The following FBXO4 variants were observed in gnomAD, a reference collection of about 807,000 sequenced individuals.
FBXO4 encodes F-box only protein 4.
Under a neutral mutation model 43.7 loss-of-function variants are expected in FBXO4, and 36 were observed. That is an observed-to-expected ratio of 0.82 (90% confidence interval 0.63 to 1.09). The LOEUF is 1.09. Among genes scored for constraint, FBXO4 ranks in the 50% least tolerant of loss-of-function variants. FBXO4 has a pLI of 0.00. For synonymous variants in FBXO4, 180 were observed against 165.6 expected, an observed-to-expected ratio of 1.09 and a Z score of -0.67; for missense variants, 435 against 474.1, an observed-to-expected ratio of 0.92 and a Z score of 0.77.
chr5:42,006,751 G>T, the FBXO4 span, among the ~76,000 whole-genome samples: 2 of 151,304 alleles, frequency 1.3e-5, no homozygotes, highest in Non-Finnish European at 3.0e-5. Flanking sequence ...ATCAGTTTCA[G>T]AGTAATTAAT....
chr5:41,963,628 A>G, the FBXO4 span, among the ~76,000 whole-genome samples: 9 of 152,222 alleles, frequency 5.9e-5, no homozygotes, highest in Admixed American at 5.9e-4. Context: ...TGTTATCAAG[A>G]AAATCACAAG....
chr5:41,962,092 G>C, the FBXO4 span, among the ~76,000 whole-genome samples: 25 of 152,240 alleles, frequency 1.6e-4, no homozygotes, highest in Admixed American at 5.9e-4. Flanking sequence ...GTGGCTAGCT[G>C]TCTGTATTTG....
the FBXO4 span, among the ~76,000 whole-genome samples, chr5:42,010,330 T>C: frequency 7.9e-3 from 1,208 of 152,030 alleles, 8 homozygotes; most frequent in Middle Eastern, 0.027. Context: ...AAACCCCATC[T>C]CTACTAAAGC....
the FBXO4 span, among the ~76,000 whole-genome samples, chr5:41,973,244 G>T: frequency 6.6e-6 from 1 of 152,144 alleles, no homozygotes; most frequent in East Asian, 1.9e-4. Context: ...CAAACTCATT[G>T]AAAAATGGGC....
chr5:42,038,535 A>T, the FBXO4 span, among the ~76,000 whole-genome samples: 1 of 152,118 alleles, frequency 6.6e-6, no homozygotes, highest in African/African-American at 2.4e-5. Flanking sequence ...GTTGTCATAC[A>T]AGCATACAAT....
the FBXO4 span, among the ~76,000 whole-genome samples, chr5:41,993,816 A>C: frequency 6.6e-6 from 1 of 151,970 alleles, no homozygotes; most frequent in African/African-American, 2.4e-5. Flanking sequence ...CTAGCATGGG[A>C]GAAAGGTGTA....
the FBXO4 span, chr5:41,966,991 A>T: frequency 4.1e-6 from 1 of 242,728 alleles, no homozygotes; most frequent in African/African-American, 2.3e-5. Flanking sequence ...GCTATGTCAC[A>T]CACACCCATG....
chr5:42,028,812 T>A, the FBXO4 span, among the ~76,000 whole-genome samples: 2 of 150,870 alleles, frequency 1.3e-5, no homozygotes, highest in Non-Finnish European at 3.0e-5. Context: ...AAAAGAAAAC[T>A]AAAAAAAAAC....
chr5:41,933,913 A>C, intron 3 of FBXO4, 33 bp from the exon 4 acceptor site: 1 of 1,551,702 alleles, frequency 6.4e-7, no homozygotes, highest in Non-Finnish European at 8.8e-7. Flanking sequence ...TTTATTAATG[A>C]TTTGTTTTGG....
the FBXO4 span, among the ~76,000 whole-genome samples, chr5:41,996,978 G>C: frequency 6.6e-6 from 1 of 152,190 alleles, no homozygotes; most frequent in African/African-American, 2.4e-5. Flanking sequence ...GACATCTTAT[G>C]GAAACGAAAA....
At chr5:41,993,290 T>C in the FBXO4 span, among the ~76,000 whole-genome samples, 1 of 152,178 alleles carries the variant, frequency 6.6e-6, no homozygotes, top group Non-Finnish European at 1.5e-5. Flanking sequence ...CATGAAGTAC[T>C]TAAAATTTTT....
At chr5:41,946,252 G>C (rs1752076450), downstream of FBXO4, among the ~76,000 whole-genome samples, 1 of 152,172 alleles carries the variant, frequency 6.6e-6, no homozygotes, top group Non-Finnish European at 1.5e-5. Flanking sequence ...TGCATTGCAG[G>C]CTGCTGGCCA....
intron 3 of FBXO4, among the ~76,000 whole-genome samples, chr5:41,930,704 G>T (rs1238264376): frequency 6.8e-6 from 1 of 147,110 alleles, no homozygotes; most frequent in African/African-American, 2.6e-5. Flanking sequence ...GTCTCACTCA[G>T]TTGCCCAGGC....
Position 41,927,335 on chromosome 5 carries a change from A to G in FBXO4, c.425+87A>G, listed in dbSNP as rs1751540167. 4 of 1,000,174 alleles carry G rather than the reference A, an allele frequency of 4.0e-6. No homozygotes were observed. The South Asian group carries it at 6.7e-5, about 17-fold the overall frequency. 62.0% of individuals were successfully genotyped at this position (1,000,174 alleles called of 1,614,324 possible). ...TATCCAAGTTAATCCTGACCCTGCT[A>G]CTGATTTGTTGCGTGGATTTGGGGT... On this transcript the variant is annotated intron_variant, in intron 2 of 6. Transcript: ENST00000281623.
At chr5:41,966,273 G>A in the FBXO4 span, among the ~76,000 whole-genome samples, 7 of 151,960 alleles carry the variant, frequency 4.6e-5, no homozygotes, top group East Asian at 1.9e-4. Context: ...TTGTGCACAC[G>A]TACCCTAAAA....
At chr5:42,026,222 G>T in the FBXO4 span, among the ~76,000 whole-genome samples, 1 of 151,684 alleles carries the variant, frequency 6.6e-6, no homozygotes. Flanking sequence ...TTTTATCAAT[G>T]TTTTATAGTT....
the FBXO4 span, among the ~76,000 whole-genome samples, chr5:41,998,473 A>G: frequency 6.6e-6 from 1 of 152,156 alleles, no homozygotes; most frequent in South Asian, 2.1e-4. Context: ...ACCAAGGGAG[A>G]TCAGGCATTT....
the FBXO4 span, among the ~76,000 whole-genome samples, chr5:41,963,658 T>C: frequency 6.6e-6 from 1 of 152,228 alleles, no homozygotes; most frequent in Non-Finnish European, 1.5e-5. Context: ...ATATATTTAC[T>C]ATCCATTAAG....
At chr5:41,966,081 G>C in the FBXO4 span, among the ~76,000 whole-genome samples, 1 of 152,106 alleles carries the variant, frequency 6.6e-6, no homozygotes, top group Non-Finnish European at 1.5e-5. Context: ...CTCGCTCATA[G>C]GTGGGAATTG....
Sources: gnomAD v4.1 joint callset for allele counts (sites outside exome capture counted in the v4.1 genomes callset) on GRCh38, gnomAD v4.1.1 for gene constraint, MANE v1.5 for transcripts, NCBI Gene and HGNC (gene_info 2026-07-23, HGNC 2026-07-21) for gene names.